Variants in LIG4 observed in about 807,000 individuals in gnomAD.
The protein encoded by LIG4 is DNA joinase.
Under a neutral mutation model 19.0 loss-of-function variants are expected in LIG4, and 13 were observed. The ratio of observed to expected loss-of-function variants is 0.68; its 90% CI spans 0.44 to 1.09. LIG4 has a LOEUF of 1.09. LIG4 is among the 50% of genes least tolerant of loss of function. The pLI is 0.00. For missense variants in LIG4, 1,026 were observed against 1,089.7 expected (o/e 0.94, Z 0.82); for synonymous variants, 361 against 358.2 (o/e 1.01, Z -0.09).
chr13:108,209,157 A>G lies in LIG4; in HGVS notation c.2112T>C (p.Ser704=). The G allele has an allele frequency of 1.2e-6, 2 of 1,614,220 alleles. No homozygotes were observed. Among genetic ancestry groups the G allele is most frequent in the South Asian group, 1.1e-5 (1 of 91,088 alleles). The part of the protein sequence containing the change: ...GPDTYCVIAG[S]ENIRVKNIIL... ...TTATGTTTTTCACTCTGATGTTCTC[A>G]GACCCTGCAATTACACAGTACGTGT... Residue 704 remains serine (S), a synonymous_variant, in exon 3 of 3, where the codon TCT becomes TCC. Transcript: ENST00000442234.
intron 2 of LIG4, among the ~76,000 whole-genome samples, chr13:108,212,239 G>A (rs896171123): frequency 4.0e-5 from 6 of 149,902 alleles, no homozygotes; most frequent in African/African-American, 1.5e-4. Context: ...TGGAAACTGA[G>A]TATAATAAAA....
Position 108,207,574 on chromosome 13 carries a change from C to T in LIG4, c.*959G>A, listed in dbSNP as rs560417118. The T allele has an allele frequency of 2.0e-5, 3 of 152,062 alleles. No individual in the cohort carries two copies. The highest frequency in any genetic ancestry group is 1.9e-4 in the East Asian group (1 of 5,180). The allele number at this position is 152,062 out of a possible 1,614,324, so 9.4% of individuals were successfully genotyped here. On this transcript the variant is annotated 3_prime_UTR_variant, in exon 3 of 3. Transcript: ENST00000442234. ...ACATAGTATCGCATGGATCAAATTCCGTACATTTCAATATGGTCATGAGAT... is the reference window on the plus strand; with the variant it reads ...ACATAGTATCGCATGGATCAAATTCTGTACATTTCAATATGGTCATGAGAT...
intron 2 of LIG4, among the ~76,000 whole-genome samples, chr13:108,213,890 A>G (rs1244660830): frequency 1.3e-5 from 2 of 152,260 alleles, no homozygotes; most frequent in Admixed American, 6.5e-5. Context: ...AGTCTTGATA[A>G]TTTTAATACT....
At chr13:108,211,634 T>C (rs1878678374) in intron 2 of LIG4, among the ~76,000 whole-genome samples, 1 of 152,220 alleles carries the variant, frequency 6.6e-6, no homozygotes, top group South Asian at 2.1e-4. Flanking sequence ...TTGCTAATAA[T>C]GGTGACAAAA....
chr13:108,213,112 C>T (rs191002922), intron 2 of LIG4, among the ~76,000 whole-genome samples: 4 of 152,146 alleles, frequency 2.6e-5, no homozygotes, highest in Admixed American at 1.3e-4. Flanking sequence ...GAGGGATAAA[C>T]GCATGACAGA....
At chr13:108,217,202 ACCCCCGTCT>A (rs1879346656), upstream of LIG4, among the ~76,000 whole-genome samples, 1 of 152,078 alleles carries the variant, frequency 6.6e-6, no homozygotes, top group Non-Finnish European at 1.5e-5. Context: ...AACATGGTGA[ACCCCCGTCT>A]CTACTAAAAA....
rs1453808192 is a variant in LIG4 at position 108,215,300 on chromosome 13, T to C, written c.-102+184A>G. 2.6e-3 allele frequency among the ~76,000 whole-genome samples: 170 copies of C among 64,394 alleles called. 2 individuals carry two copies. Among genetic ancestry groups the C allele is most frequent in the African/African-American group, 0.011 (167 of 15,430 alleles). 42.2% of individuals were successfully genotyped at this position (64,394 alleles called of 152,430 possible). ...AGACCCCAACCTGACGTCCCACAGA[T>C]ACCCCGCCTGACGCCCCACAGACCT... is the stretch of plus-strand genomic sequence containing the variant. On this transcript the variant is annotated intron_variant, in intron 1 of 2. Coordinates refer to ENST00000442234, the MANE Select transcript of LIG4 (RefSeq NM_206937.2).
At position 108,208,269 on chromosome 13, in the gene LIG4, A is replaced by C; in HGVS notation, c.*264T>G. The stretch of plus-strand genomic sequence containing the variant: ...TAGATTTCTATATGGATATTATAAA[A>C]ACACCTCTTCTTTAGACTGTTTATT... On this transcript the variant is annotated 3_prime_UTR_variant, in exon 3 of 3. Coordinates refer to ENST00000442234, the MANE Select transcript of LIG4 (RefSeq NM_206937.2). 3.3e-6 allele frequency: 1 copy of C among 305,002 alleles called. No individual in the cohort carries two copies. The highest frequency in any genetic ancestry group is 4.7e-5 in the South Asian group (1 of 21,394). The allele number at this position is 305,002 out of a possible 1,614,324, so 18.9% of individuals were successfully genotyped here.
In LIG4 at chr13:108,208,391, T is replaced by C; in HGVS notation, c.*142A>G. The C allele has an allele frequency of 1.6e-6, 1 of 632,314 alleles. No homozygotes were observed. Among genetic ancestry groups the C allele is most frequent in the Non-Finnish European group, 2.7e-6 (1 of 366,990 alleles). The allele number at this position is 632,314 out of a possible 1,614,324, so 39.2% of individuals were successfully genotyped here. ...TCTTTTCAACCTTAAAAGTTAAAATTATTGTTTTCCTATATGTAATGATAC... is the reference window on the plus strand; with the variant it reads ...TCTTTTCAACCTTAAAAGTTAAAATCATTGTTTTCCTATATGTAATGATAC... On this transcript the variant is annotated 3_prime_UTR_variant, in exon 3 of 3. Transcript: ENST00000442234.
chr13:108,211,084 T>G lies in LIG4; in HGVS notation c.185A>C (p.Asp62Ala). Residue 62 changes from aspartate (D) to alanine (A), a missense_variant, in exon 3 of 3, where the codon GAC becomes GCC. Coordinates refer to ENST00000442234, the MANE Select transcript of LIG4 (RefSeq NM_206937.2). ...TAGTCTCATTGCTGGATAAAAAGAG[T>G]CTGTGACATCTTTGTGGTTCTTATG... ...ALHKNHKDVT[D>A]SFYPAMRLIL... The G allele has an allele frequency of 6.2e-7, 1 of 1,607,286 alleles. No individual in the cohort carries two copies. The highest frequency in any genetic ancestry group is 8.5e-7 in the Non-Finnish European group (1 of 1,176,074).
chr13:108,217,419 T>G (rs1879362714), upstream of LIG4, among the ~76,000 whole-genome samples: 1 of 152,208 alleles, frequency 6.6e-6, no homozygotes, highest in Admixed American at 6.5e-5. Flanking sequence ...CTCCGGAGGC[T>G]GAGGCAGGAG....
In LIG4 at chr13:108,210,768, T is replaced by TA; in HGVS notation, c.500dup (p.Ser170GlufsTer13). On this transcript the variant is annotated frameshift_variant, in exon 3 of 3. Coordinates refer to ENST00000442234, the MANE Select transcript of LIG4 (RefSeq NM_206937.2). LOFTEE classifies it high-confidence loss of function. ...TTATAAGTTGAAGAAGGCTCTTTTTTATTAGGTCTTTTCTTTTAGCAGAAT... is the reference window on the plus strand; with the variant it reads ...TTATAAGTTGAAGAAGGCTCTTTTTTAATTAGGTCTTTTCTTTTAGCAGAAT... 6.2e-7 allele frequency: 1 copy of TA among 1,614,052 alleles called. No individual in the cohort carries two copies. The highest frequency in any genetic ancestry group is 8.5e-7 in the Non-Finnish European group (1 of 1,179,968).
Position 108,207,750 on chromosome 13 carries a change from A to G in LIG4, c.*783T>C, listed in dbSNP as rs550861813. The G allele has an allele frequency of 7.2e-5, 11 of 152,208 alleles. No homozygotes were observed. The highest frequency in any genetic ancestry group is 1.2e-4 in the African/African-American group (5 of 41,456). 9.4% of individuals were successfully genotyped at this position (152,208 alleles called of 1,614,324 possible). A position where few individuals can be genotyped will look rare whatever the true frequency, so the allele number is the denominator to read the frequency against. The stretch of plus-strand genomic sequence containing the variant: ...ATGCATGCCATATTGACACCTATTC[A>G]ATAGATAAAATCTAGGAAAATCTTT... On this transcript the variant is annotated 3_prime_UTR_variant, in exon 3 of 3. Coordinates refer to ENST00000442234, the MANE Select transcript of LIG4 (RefSeq NM_206937.2).
rs1316232035 is a variant in LIG4 at position 108,208,787 on chromosome 13, C to A, written c.2482G>T (p.Asp828Tyr). 1.1e-5 allele frequency: 17 copies of A among 1,613,970 alleles called. No individual in the cohort carries two copies. Among genetic ancestry groups the A allele is most frequent in the Non-Finnish European group, 1.4e-5 (17 of 1,180,016 alleles). ...VYLDSYAVIN[D>Y]LSTKNEGTRL... ...GTCCCCTCATTTTTGGTACTCAGGT[C>A]ATTAATAACAGCATACGAGTCCAAA... Residue 828 changes from aspartate (D) to tyrosine (Y), a missense_variant, in exon 3 of 3, where the codon GAC becomes TAC. Physicochemically the swap from Asp to Tyr is radical, Grantham distance 160 (BLOSUM62 -3). This residue lies in a region of LIG4 where 521 missense variants were observed against 515.5 expected (regional missense o/e 1.01). Coordinates refer to ENST00000442234, the MANE Select transcript of LIG4 (RefSeq NM_206937.2).
upstream of LIG4, among the ~76,000 whole-genome samples, chr13:108,217,870 G>A (rs551493720): frequency 3.9e-5 from 6 of 152,184 alleles, no homozygotes; most frequent in African/African-American, 7.2e-5. Flanking sequence ...CAAGTTTTAA[G>A]GGCCCATTTT....
At chr13:108,214,185 G>C (rs1878964554) in intron 2 of LIG4, among the ~76,000 whole-genome samples, 1 of 152,174 alleles carries the variant, frequency 6.6e-6, no homozygotes, top group Admixed American at 6.5e-5. Flanking sequence ...AAAGGAGTAA[G>C]TGACGAATGC....
At chr13:108,212,675 C>A (rs747780485) in intron 2 of LIG4, among the ~76,000 whole-genome samples, 2 of 150,840 alleles carry the variant, frequency 1.3e-5, no homozygotes, top group African/African-American at 2.4e-5. Context: ...TCTTCCAATT[C>A]GCAAACAAAT....
chr13:108,210,762 C>A lies in LIG4; in HGVS notation c.507G>T (p.Lys169Asn). 8.1e-6 allele frequency: 13 copies of A among 1,613,970 alleles called. No individual in the cohort carries two copies. Among genetic ancestry groups the A allele is most frequent in the Non-Finnish European group, 1.1e-5 (13 of 1,179,942 alleles). The change falls in exon 3 of 3, where the codon AAG (lysine) becomes AAT (asparagine). Residue 169 changes from lysine to asparagine, a missense_variant. Around this residue, in one of 3 missense-constraint regions of LIG4, gnomAD observed 493 missense variants for 544.5 expected, o/e 0.91. Coordinates refer to ENST00000442234, the MANE Select transcript of LIG4 (RefSeq NM_206937.2). ...TCTGAGTTATAAGTTGAAGAAGGCT[C>A]TTTTTTATTAGGTCTTTTCTTTTAG... ...NSAKRKDLIK[K>N]SLLQLITQSS...
Position 108,210,354 on chromosome 13 carries a change from A to G in LIG4, c.915T>C (p.Ser305=), listed in dbSNP as rs2232639. Residue 305 remains serine (S), a synonymous_variant, in exon 3 of 3, where the codon TCT becomes TCC. Transcript: ENST00000442234. Reference sequence around the variant, plus strand: ...ATGGGGTAAGAGAACCTTCAGTAGGAGAAGCACCAAACTGATCAGTGTAGT... The same window carrying G: ...ATGGGGTAAGAGAACCTTCAGTAGGGGAAGCACCAAACTGATCAGTGTAGT... ...GYNYTDQFGA[S]PTEGSLTPFI... is the part of the protein sequence containing the mutation. 9.0e-4 allele frequency: 1,456 copies of G among 1,613,936 alleles called. 11 individuals are homozygous for G. The African/African-American group carries it at 0.017, about 19-fold the overall frequency.
Sources: gnomAD v4.1 joint callset for allele counts (sites outside exome capture counted in the v4.1 genomes callset) on GRCh38, gnomAD v4.1.1 for gene constraint, gnomAD v4.1.1 regional missense constraint, MANE v1.5 for transcripts, NCBI Gene and HGNC (gene_info 2026-07-23, HGNC 2026-07-21) for gene names.